The following ANKS1B variants were observed in gnomAD, a reference collection of about 807,000 sequenced individuals.
ANKS1B encodes ankyrin repeat and sterile alpha motif domain-containing protein 1B.
In ANKS1B, 36 loss-of-function variants were observed where a neutral mutation model predicts 148.3. That is an observed-to-expected ratio of 0.24 (90% CI 0.19 to 0.32). The LOEUF (loss-of-function observed/expected upper bound fraction) is 0.32, where lower values mean the gene tolerates loss of function less well. ANKS1B is among the 10% of genes least tolerant of loss of function. The probability of loss-of-function intolerance (pLI) is 1.00; values close to 1 mark genes in which losing one functional copy is unlikely to be tolerated. For missense variants in ANKS1B, 1,157 were observed against 1,542.6 expected, an observed-to-expected ratio of 0.75 and a Z score of 4.19; for synonymous variants, 542 against 560.8, an observed-to-expected ratio of 0.97 and a Z score of 0.47.
At position 99,077,596 on chromosome 12, in the gene ANKS1B, G is replaced by T. The variant is rs1259919231; in HGVS notation, c.2625+7329C>A. ...GACTTTTAAAGAAATAACATTGGTT[G>T]TACACTTTTCCGCTAAAGCGTACAC... On this transcript the variant is annotated intron_variant, in intron 16 of 26. Transcript: ENST00000683438. Among the ~76,000 whole-genome samples, 9 of 152,316 alleles carry T rather than the reference G, an allele frequency of 5.9e-5. No individual in the cohort carries two copies. In the East Asian group the frequency reaches 1.7e-3, roughly 29 times the overall value.
At chr12:98,897,414 G>A (rs2099766287) in intron 17 of ANKS1B, among the ~76,000 whole-genome samples, 1 of 152,014 alleles carries the variant, frequency 6.6e-6, no homozygotes, top group South Asian at 2.1e-4. Flanking sequence ...CAAAGGACAT[G>A]AGCAGACATT....
At chr12:99,817,609 T>C (rs1206694511) in intron 2 of ANKS1B, among the ~76,000 whole-genome samples, 19 of 151,756 alleles carry the variant, frequency 1.3e-4, no homozygotes, top group Non-Finnish European at 1.2e-4. Flanking sequence ...CCATTGTCAT[T>C]GTACTAATTT....
chr12:99,523,553 T>TC (rs1224375497), intron 9 of ANKS1B, among the ~76,000 whole-genome samples: 2 of 137,482 alleles, frequency 1.5e-5, no homozygotes, highest in African/African-American at 2.7e-5. Context: ...GGCATCTTCT[T>TC]TTTTTTTTTT....
intron 17 of ANKS1B, among the ~76,000 whole-genome samples, chr12:98,974,337 C>T (rs2099888174): frequency 1.3e-5 from 2 of 152,172 alleles, no homozygotes; most frequent in African/African-American, 4.8e-5. Context: ...ACTTACCCAA[C>T]CTCTCTGGAC....
chr12:99,212,037 A>G (rs2083412515), intron 14 of ANKS1B, among the ~76,000 whole-genome samples: 1 of 152,198 alleles, frequency 6.6e-6, no homozygotes, highest in Non-Finnish European at 1.5e-5. Context: ...TGCTACAGGG[A>G]AAAACAAGCA....
chr12:98,928,453 A>G (rs2099810759), intron 17 of ANKS1B, among the ~76,000 whole-genome samples: 1 of 152,002 alleles, frequency 6.6e-6, no homozygotes. Context: ...ATACACTGAC[A>G]CCATAATGAG....
At chr12:99,107,867 T>A (rs1176774304) in intron 15 of ANKS1B, among the ~76,000 whole-genome samples, 1 of 151,890 alleles carries the variant, frequency 6.6e-6, no homozygotes, top group Non-Finnish European at 1.5e-5. Flanking sequence ...ACAGAAGTGC[T>A]AGACGAAGAG....
At chr12:98,831,159 G>T (rs565283824) in intron 18 of ANKS1B, 1 of 151,932 alleles carries the variant, frequency 6.6e-6, no homozygotes, top group African/African-American at 2.4e-5. Flanking sequence ...GTGTTAGCCA[G>T]GATGGTCTAG....
At chr12:98,976,751 T>C (rs560780801) in intron 17 of ANKS1B, 12 of 152,276 alleles carry the variant, frequency 7.9e-5, no homozygotes, top group African/African-American at 2.6e-4. Context: ...ATTATCAAAA[T>C]GGAAGCAGGA....
At position 98,832,086 on chromosome 12, in the gene ANKS1B, C is replaced by T; in HGVS notation, c.2829G>A (p.Leu943=). ...GGGGATCGTCGTGCAGCCTGTCTCCCAGAGATGCCAAAATACGTTTCCTGT... is the reference window on the plus strand; with the variant it reads ...GGGGATCGTCGTGCAGCCTGTCTCCTAGAGATGCCAAAATACGTTTCCTGT... ...IGHRKRILAS[L]GDRLHDDPPQ... The change falls in exon 18 of 27, where the codon CTG becomes CTA. Residue 943 remains leucine (L), a synonymous_variant. Transcript: ENST00000683438. The T allele has an allele frequency of 6.3e-7, 1 of 1,597,436 alleles. No homozygotes were observed. The highest frequency in any genetic ancestry group is 8.5e-7 in the Non-Finnish European group (1 of 1,171,618).
intron 17 of ANKS1B, among the ~76,000 whole-genome samples, chr12:98,989,540 T>C (rs1488450652): frequency 6.6e-6 from 1 of 152,204 alleles, no homozygotes; most frequent in Non-Finnish European, 1.5e-5. Context: ...AATCAGGTAG[T>C]ATGATGGCTC....
At chr12:99,903,904 A>T (rs2093687239) in intron 1 of ANKS1B, among the ~76,000 whole-genome samples, 1 of 152,168 alleles carries the variant, frequency 6.6e-6, no homozygotes, top group African/African-American at 2.4e-5. Flanking sequence ...AAAATAAAAA[A>T]AAATAAAAAG....
chr12:99,026,476 C>T (rs2153451358), intron 17 of ANKS1B, among the ~76,000 whole-genome samples: 1 of 152,234 alleles, frequency 6.6e-6, no homozygotes, highest in South Asian at 2.1e-4. Context: ...AAGACATCAG[C>T]CTCTAGATTA....
chr12:99,273,791 T>C (rs1379244251), intron 12 of ANKS1B, among the ~76,000 whole-genome samples: 1 of 152,074 alleles, frequency 6.6e-6, no homozygotes, highest in East Asian at 1.9e-4. Flanking sequence ...TTCACCATCT[T>C]GGCCAGGCTG....
intron 14 of ANKS1B, among the ~76,000 whole-genome samples, chr12:99,182,510 G>T (rs995669141): frequency 6.6e-6 from 1 of 151,880 alleles, no homozygotes; most frequent in Non-Finnish European, 1.5e-5. Context: ...TCTTTTTATG[G>T]CTGAATAGTA....
At chr12:98,911,632 T>C (rs2099786985) in intron 17 of ANKS1B, among the ~76,000 whole-genome samples, 3 of 152,184 alleles carry the variant, frequency 2.0e-5, no homozygotes, top group African/African-American at 4.8e-5. Context: ...TAATTCTCCA[T>C]AACGCTTCCT....
intron 17 of ANKS1B, among the ~76,000 whole-genome samples, chr12:98,992,904 T>C (rs185269623): frequency 4.9e-4 from 74 of 152,342 alleles, no homozygotes; most frequent in South Asian, 6.2e-4. Flanking sequence ...TCATCTTTTT[T>C]ATTTTTTCCC....
chr12:99,492,183 G>C (rs1166940241), intron 10 of ANKS1B, among the ~76,000 whole-genome samples: 4 of 148,580 alleles, frequency 2.7e-5, no homozygotes, highest in South Asian at 2.1e-4. Context: ...AAAGAGAGAA[G>C]GTCTAAATAA....
In ANKS1B at chr12:99,899,698, A is replaced by T. The variant is rs138608911; in HGVS notation, c.135-74309T>A. Reference sequence around the variant, plus strand: ...CCTAAAATCAGGATTATTTGTAGACAATACAAAGCAGCTAAACTAGCTTCT... The same window carrying T: ...CCTAAAATCAGGATTATTTGTAGACTATACAAAGCAGCTAAACTAGCTTCT... On this transcript the variant is annotated intron_variant, in intron 1 of 26. Transcript: ENST00000683438. 4.2e-4 allele frequency among the ~76,000 whole-genome samples: 64 copies of T among 152,276 alleles called. 1 individual carries two copies. Among genetic ancestry groups the T allele is most frequent in the African/African-American group, 1.5e-3 (61 of 41,562 alleles).
Sources: allele counts gnomAD v4.1 joint callset (sites outside exome capture counted in the v4.1 genomes callset), GRCh38; gene constraint gnomAD v4.1.1; transcripts MANE v1.5; gene names NCBI Gene and HGNC (gene_info 2026-07-23, HGNC 2026-07-21).